The following TRPC6 variants were observed in gnomAD, a reference collection of about 807,000 sequenced individuals.
TRPC6 encodes the protein transient receptor potential cation channel subfamily C member 6.
A neutral mutation model predicts 90.7 loss-of-function variants in TRPC6; 55 were observed. The observed-to-expected ratio is 0.61, with a 90% CI of 0.49 to 0.76. The LOEUF (loss-of-function observed/expected upper bound fraction) is 0.76. Ranked by LOEUF, TRPC6 falls within the 30% of genes least tolerant of loss-of-function variation. The pLI is 0.00. For synonymous variants in TRPC6, 393 were observed against 393.0 expected, an observed-to-expected ratio of 1.00 and a Z score of 0.00; for missense variants, 989 against 1,122.7, an observed-to-expected ratio of 0.88 and a Z score of 1.70.
Position 101,506,122 on chromosome 11 carries a change from T to G in TRPC6, c.171-1324A>C, listed in dbSNP as rs976330939. Among the ~76,000 whole-genome samples, 8 of 152,164 alleles carry G rather than the reference T, an allele frequency of 5.3e-5. 1 individual carries two copies. Among genetic ancestry groups the G allele is most frequent in the Non-Finnish European group, 1.5e-5 (1 of 68,026 alleles). On this transcript the variant is annotated intron_variant, in intron 1 of 12. Coordinates refer to ENST00000344327, the MANE Select transcript of TRPC6 (RefSeq NM_004621.6). ...CATAACTTCGTGTCTTAAGGTCTTTTGAGCTTCAAGGGATCTCATTACAAT... is the reference window on the plus strand; with the variant it reads ...CATAACTTCGTGTCTTAAGGTCTTTGGAGCTTCAAGGGATCTCATTACAAT...
chr11:101,509,578 T>C (rs1860352790), intron 1 of TRPC6, among the ~76,000 whole-genome samples: 1 of 152,210 alleles, frequency 6.6e-6, no homozygotes, highest in Admixed American at 6.5e-5. Flanking sequence ...TCTATGACTT[T>C]CCTGCCCATT....
chr11:101,528,546 T>C (rs896113013), intron 1 of TRPC6, among the ~76,000 whole-genome samples: 3 of 152,216 alleles, frequency 2.0e-5, no homozygotes, highest in Admixed American at 2.0e-4. Flanking sequence ...GGCAACACAT[T>C]ATATAGAGTT....
intron 1 of TRPC6, among the ~76,000 whole-genome samples, chr11:101,530,904 A>G (rs1860898067): frequency 6.6e-6 from 1 of 152,224 alleles, no homozygotes; most frequent in South Asian, 2.1e-4. Context: ...ATAATGTAGA[A>G]TCTTGGAAAG....
At chr11:101,497,366 T>G (rs1216576791) in intron 2 of TRPC6, among the ~76,000 whole-genome samples, 1 of 152,270 alleles carries the variant, frequency 6.6e-6, no homozygotes, top group Admixed American at 6.5e-5. Flanking sequence ...TGTTAAGGTC[T>G]GATAACAGTC....
chr11:101,550,186 T>C (rs1294673230), intron 1 of TRPC6, among the ~76,000 whole-genome samples: 2 of 151,596 alleles, frequency 1.3e-5, no homozygotes, highest in East Asian at 1.9e-4. Flanking sequence ...AACTTACATA[T>C]GCCCAACAAT....
intron 5 of TRPC6, 22 bp downstream of exon 5, chr11:101,482,927 A>G (rs774006964): frequency 1.2e-6 from 2 of 1,612,416 alleles, no homozygotes; most frequent in East Asian, 2.2e-5. Flanking sequence ...AACAGAAAAC[A>G]TGACAGAAAA....
chr11:101,536,708 C>A (rs902441139), intron 1 of TRPC6, among the ~76,000 whole-genome samples: 1 of 152,148 alleles, frequency 6.6e-6, no homozygotes, highest in Non-Finnish European at 1.5e-5. Flanking sequence ...AGAATGATGC[C>A]TCTCTGGGCT....
chr11:101,579,692 G>T (rs192161183), intron 1 of TRPC6, among the ~76,000 whole-genome samples: 9 of 152,294 alleles, frequency 5.9e-5, no homozygotes, highest in Admixed American at 2.0e-4. Flanking sequence ...TATTCTCAAG[G>T]GGAGTGTTCT....
At chr11:101,549,150 G>A (rs1272604066) in intron 1 of TRPC6, among the ~76,000 whole-genome samples, 2 of 151,920 alleles carry the variant, frequency 1.3e-5, no homozygotes, top group East Asian at 1.9e-4. Context: ...AGAAATGCCT[G>A]CTTTAATCAC....
chr11:101,495,066 A>T (rs1447225415), intron 2 of TRPC6, among the ~76,000 whole-genome samples: 1 of 152,220 alleles, frequency 6.6e-6, no homozygotes, highest in Admixed American at 6.5e-5. Context: ...CTGATGGGTT[A>T]ACTTAATTCT....
At chr11:101,498,721 T>G (rs10791485) in intron 2 of TRPC6, among the ~76,000 whole-genome samples, 71,351 of 152,006 alleles carry the variant, frequency 0.47, 17,259 homozygotes, top group African/African-American at 0.58. Flanking sequence ...AGAGGTACAT[T>G]AATACTTTCC....
Position 101,451,848 on chromosome 11 carries a change from A to C in TRPC6, c.*1107T>G, listed in dbSNP as rs1377690213. 2 of 152,158 alleles carry C rather than the reference A, an allele frequency of 1.3e-5. No homozygotes were observed. Among genetic ancestry groups the C allele is most frequent in the Non-Finnish European group, 2.9e-5 (2 of 68,032 alleles). The allele number at this position is 152,158 out of a possible 1,614,324, so 9.4% of individuals were successfully genotyped here. On this transcript the variant is annotated 3_prime_UTR_variant, in exon 13 of 13. Coordinates refer to ENST00000344327, the MANE Select transcript of TRPC6 (RefSeq NM_004621.6). ...TCTGAATGCCAATGGTCTTTGAGTA[A>C]ACATATGAACCTTCATCGCTTTTAG... is the stretch of plus-strand genomic sequence containing the variant.
chr11:101,487,332 A>G (rs1859699392), intron 4 of TRPC6, among the ~76,000 whole-genome samples: 1 of 152,122 alleles, frequency 6.6e-6, no homozygotes, highest in Non-Finnish European at 1.5e-5. Context: ...GAACAAAGAG[A>G]CTACCTACAT....
chr11:101,568,116 C>T (rs940046850), intron 1 of TRPC6, among the ~76,000 whole-genome samples: 5 of 152,000 alleles, frequency 3.3e-5, no homozygotes, highest in African/African-American at 1.2e-4. Context: ...AAGCTAAGAA[C>T]CTTGAAAAAA....
chr11:101,515,156 A>T (rs930411052), intron 1 of TRPC6, among the ~76,000 whole-genome samples: 14 of 152,220 alleles, frequency 9.2e-5, no homozygotes, highest in Non-Finnish European at 1.5e-5. Flanking sequence ...TAATTATTCA[A>T]GACTTTCCAG....
At chr11:101,542,866 T>C (rs189193624) in intron 1 of TRPC6, among the ~76,000 whole-genome samples, 4 of 152,202 alleles carry the variant, frequency 2.6e-5, no homozygotes, top group African/African-American at 7.2e-5. Flanking sequence ...AGAAAATCTT[T>C]GTGACCTTAG....
intron 1 of TRPC6, among the ~76,000 whole-genome samples, chr11:101,554,964 A>G (rs1861528501): frequency 6.6e-6 from 1 of 152,088 alleles, no homozygotes; most frequent in Non-Finnish European, 1.5e-5. Context: ...GGCCACAAAG[A>G]TGCCACTCCA....
chr11:101,532,592 C>G (rs915542537), intron 1 of TRPC6, among the ~76,000 whole-genome samples: 1 of 152,074 alleles, frequency 6.6e-6, no homozygotes, highest in Non-Finnish European at 1.5e-5. Flanking sequence ...TAACTGGGAG[C>G]GGACAATGTA....
chr11:101,553,852 G>A (rs545786529), intron 1 of TRPC6, among the ~76,000 whole-genome samples: 70 of 152,096 alleles, frequency 4.6e-4, no homozygotes, highest in African/African-American at 1.7e-3. Flanking sequence ...CAGATACCAA[G>A]CTCAGTAATA....
Sources: gnomAD v4.1 joint callset for allele counts (sites outside exome capture counted in the v4.1 genomes callset) on GRCh38, gnomAD v4.1.1 for gene constraint, MANE v1.5 for transcripts, NCBI Gene and HGNC (gene_info 2026-07-23, HGNC 2026-07-21) for gene names.